STPG2: variants seen among roughly 807,000 people sequenced by gnomAD.
STPG2 encodes the protein sperm tail PG-rich repeat containing 2.
STPG2 carries 56 observed loss-of-function variants against 54.2 expected under a neutral mutation model. The ratio of observed to expected loss-of-function variants is 1.03; its 90% confidence interval spans 0.83 to 1.29. The LOEUF (loss-of-function observed/expected upper bound fraction) is 1.29. STPG2 is among the 50% of genes most tolerant of loss of function. The probability of loss-of-function intolerance (pLI) is 0.00; values close to 1 mark genes in which losing one functional copy is unlikely to be tolerated. For synonymous variants in STPG2, 200 were observed against 181.8 expected (o/e 1.10, Z -0.81); for missense variants, 596 against 544.9 (o/e 1.09, Z -0.93).
intron 8 of STPG2, among the ~76,000 whole-genome samples, chr4:97,937,127 A>C (rs567057852): frequency 1.7e-4 from 26 of 151,938 alleles, no homozygotes; most frequent in Non-Finnish European, 3.1e-4. Context: ...TCAGCAAGAC[A>C]GTCTTCAAGT....
At chr4:97,521,459 C>T (rs1731178778) in intron 4 of STPG2, among the ~76,000 whole-genome samples, 1 of 151,980 alleles carries the variant, frequency 6.6e-6, no homozygotes, top group African/African-American at 2.4e-5. Context: ...GAGCAGCGCA[C>T]CACTGTAGAT....
At chr4:97,476,570 A>G (rs1730077202) in intron 4 of STPG2, among the ~76,000 whole-genome samples, 1 of 152,154 alleles carries the variant, frequency 6.6e-6, no homozygotes, top group Non-Finnish European at 1.5e-5. Context: ...ATTCTGGAGG[A>G]TATCACTGTA....
intron 4 of STPG2, among the ~76,000 whole-genome samples, chr4:97,471,274 T>C (rs1257769455): frequency 1.3e-5 from 2 of 152,324 alleles, no homozygotes; most frequent in African/African-American, 4.8e-5. Flanking sequence ...ACTTGATTTA[T>C]GGTGAAATGT....
At chr4:97,878,690 A>G (rs1440410823) in intron 8 of STPG2, among the ~76,000 whole-genome samples, 5 of 152,120 alleles carry the variant, frequency 3.3e-5, no homozygotes, top group Non-Finnish European at 7.4e-5. Context: ...TGGGTCTGTG[A>G]TGGGAGGGGC....
intron 8 of STPG2, among the ~76,000 whole-genome samples, chr4:97,851,313 A>G (rs145089889): frequency 2.0e-5 from 3 of 152,306 alleles, no homozygotes; most frequent in Non-Finnish European, 2.9e-5. Context: ...CAATGAATGA[A>G]TATGTCAGTT....
At chr4:97,538,046 G>A (rs558425790) in intron 4 of STPG2, among the ~76,000 whole-genome samples, 79 of 152,124 alleles carry the variant, frequency 5.2e-4, no homozygotes, top group African/African-American at 1.5e-3. Flanking sequence ...CCATCTGTAC[G>A]TCACCATCAT....
At chr4:97,479,022 A>G (rs995546741) in intron 4 of STPG2, among the ~76,000 whole-genome samples, 2 of 152,008 alleles carry the variant, frequency 1.3e-5, no homozygotes, top group Non-Finnish European at 2.9e-5. Context: ...CAACAACAGC[A>G]TACAAACACA....
chr4:97,950,327 T>C (rs1018130354), intron 7 of STPG2, among the ~76,000 whole-genome samples: 2 of 152,130 alleles, frequency 1.3e-5, no homozygotes, highest in Non-Finnish European at 2.9e-5. Context: ...TCTGACTGGG[T>C]TAGCTTAAAA....
chr4:97,496,356 C>T (rs1730611428), intron 4 of STPG2, among the ~76,000 whole-genome samples: 1 of 151,616 alleles, frequency 6.6e-6, no homozygotes, highest in Admixed American at 6.6e-5. Context: ...ATAGAGCTGC[C>T]TCAGGGAAAA....
chr4:97,868,035 C>T (rs538676620), intron 8 of STPG2, among the ~76,000 whole-genome samples: 1 of 151,766 alleles, frequency 6.6e-6, no homozygotes, highest in Admixed American at 6.6e-5. Flanking sequence ...GAAGTATCTG[C>T]CACACATATT....
chr4:97,591,666 A>G (rs932243776), intron 10 of STPG2, among the ~76,000 whole-genome samples: 4 of 152,164 alleles, frequency 2.6e-5, no homozygotes, highest in Non-Finnish European at 4.4e-5. Flanking sequence ...GTTGTACCCC[A>G]GTCTGCCATG....
intron 7 of STPG2, among the ~76,000 whole-genome samples, chr4:97,949,337 C>A (rs2149238117): frequency 6.6e-6 from 1 of 152,140 alleles, no homozygotes; most frequent in South Asian, 2.1e-4. Flanking sequence ...CTCTTGAAGA[C>A]CAAAGATATC....
At chr4:97,702,686 G>T (rs1723812810) in intron 10 of STPG2, among the ~76,000 whole-genome samples, 1 of 152,130 alleles carries the variant, frequency 6.6e-6, no homozygotes, top group South Asian at 2.1e-4. Flanking sequence ...TGGTGAAGCT[G>T]TTTGTTCTGG....
chr4:97,741,512 T>C (rs1168521925), intron 9 of STPG2, among the ~76,000 whole-genome samples: 3 of 151,318 alleles, frequency 2.0e-5, no homozygotes, highest in African/African-American at 7.3e-5. Context: ...CAAACAAATT[T>C]ACAAGAAAAA....
At chr4:97,965,420 G>A (rs549855568) in intron 7 of STPG2, among the ~76,000 whole-genome samples, 1 of 152,322 alleles carries the variant, frequency 6.6e-6, no homozygotes, top group East Asian at 1.9e-4. Context: ...AGGGCATAGT[G>A]AAACAAAAGG....
chr4:97,468,725 C>T (rs560240665), intron 4 of STPG2, among the ~76,000 whole-genome samples: 1 of 152,142 alleles, frequency 6.6e-6, no homozygotes, highest in East Asian at 1.9e-4. Flanking sequence ...AATCTACTCC[C>T]TCCCAGTTCA....
intron 5 of STPG2, among the ~76,000 whole-genome samples, chr4:98,054,639 A>G (rs17549478): frequency 0.023 from 3,470 of 152,258 alleles, 49 homozygotes; most frequent in Middle Eastern, 0.082. Context: ...ACTGAGATCC[A>G]TCTTGCATCC....
intron 7 of STPG2, among the ~76,000 whole-genome samples, chr4:97,949,652 G>T (rs777295023): frequency 6.6e-6 from 1 of 151,280 alleles, no homozygotes; most frequent in African/African-American, 2.4e-5. Context: ...ACGTAGTTTT[G>T]CTGGATACAA....
intron 5 of STPG2, chr4:98,025,502 G>A: frequency 1.7e-6 from 1 of 603,368 alleles, no homozygotes; most frequent in South Asian, 1.5e-5. Flanking sequence ...AGTGATACAG[G>A]ATAAAAATAA....
Sources: allele counts gnomAD v4.1 joint callset (sites outside exome capture counted in the v4.1 genomes callset), GRCh38; gene constraint gnomAD v4.1.1; transcripts MANE v1.5; gene names NCBI Gene and HGNC (gene_info 2026-07-23, HGNC 2026-07-21).